ALKBH1: variants seen among roughly 807,000 people sequenced by gnomAD.
ALKBH1 encodes the protein alkB homolog 1, histone H2A dioxygenase, also known as nucleic acid dioxygenase ALKBH1.
A neutral mutation model predicts 36.6 loss-of-function variants in ALKBH1; 31 were observed. The observed-to-expected ratio is 0.85, with a 90% CI of 0.64 to 1.14. The LOEUF (loss-of-function observed/expected upper bound fraction) is 1.14, where lower values mean the gene tolerates loss of function less well. Among genes scored for constraint, ALKBH1 ranks in the 50% most tolerant of loss-of-function variants. The pLI is 0.00. For missense variants in ALKBH1, 490 were observed against 497.3 expected, an observed-to-expected ratio of 0.99 and a Z score of 0.14; for synonymous variants, 183 against 186.6, an observed-to-expected ratio of 0.98 and a Z score of 0.16.
chr14:77,704,279 T>C, intron 2 of ALKBH1, 90 bp downstream of exon 2: 2 of 926,920 alleles, frequency 2.2e-6, no homozygotes, highest in African/African-American at 1.6e-5. Context: ...CCTTTGTCTA[T>C]TTACTTGCTC....
At chr14:77,689,648 TAACTC>T (rs1454449892) in intron 3 of ALKBH1, among the ~76,000 whole-genome samples, 2 of 152,052 alleles carry the variant, frequency 1.3e-5, no homozygotes, top group Non-Finnish European at 2.9e-5. Context: ...CAGGGGTAGA[TAACTC>T]AATTCACTAG....
intron 3 of ALKBH1, among the ~76,000 whole-genome samples, chr14:77,684,475 C>A (rs894065788): frequency 1.3e-5 from 2 of 152,276 alleles, no homozygotes; most frequent in East Asian, 3.9e-4. Flanking sequence ...GATTCTCCTG[C>A]CTCAGCCTCC....
intron 3 of ALKBH1, among the ~76,000 whole-genome samples, chr14:77,691,053 G>A (rs1282166099): frequency 6.6e-6 from 1 of 151,894 alleles, no homozygotes; most frequent in Non-Finnish European, 1.5e-5. Flanking sequence ...TGTCCAACTC[G>A]GCCTCCCAAA....
chr14:77,679,956 G>A lies in ALKBH1; in HGVS notation c.470C>T (p.Thr157Ile), dbSNP rs372034103. The change falls in exon 4 of 6, where the codon ACT becomes ATT. Residue 157 changes from threonine (T) to isoleucine (I), a missense_variant. Physicochemically the swap from Thr to Ile is moderately conservative, Grantham distance 89. Transcript: ENST00000216489. Reference protein sequence around the residue: ...SKEFLRYKEATKRRPRSLLEK... With the variant: ...SKEFLRYKEAIKRRPRSLLEK... Reference sequence around the variant, plus strand: ...CAGTAAACTTCGGGGTCTCCGTTTAGTCGCTTCTTTATACCTGCAAAGATT... The same window carrying A: ...CAGTAAACTTCGGGGTCTCCGTTTAATCGCTTCTTTATACCTGCAAAGATT... 229 of 1,613,844 alleles carry A rather than the reference G, an allele frequency of 1.4e-4. No homozygotes were observed. The highest frequency in any genetic ancestry group is 1.9e-4 in the Non-Finnish European group (223 of 1,179,840).
chr14:77,676,466 C>G (rs2080206651), intron 4 of ALKBH1, among the ~76,000 whole-genome samples: 1 of 152,052 alleles, frequency 6.6e-6, no homozygotes, highest in Non-Finnish European at 1.5e-5. Flanking sequence ...GGTAAAAATG[C>G]AACTCAAAAC....
intron 4 of ALKBH1, among the ~76,000 whole-genome samples, chr14:77,676,287 C>T (rs1377346868): frequency 6.6e-6 from 1 of 152,026 alleles, no homozygotes; most frequent in Non-Finnish European, 1.5e-5. Context: ...CCGGTCTATC[C>T]ATCCATTCTT....
chr14:77,695,051 T>C, intron 2 of ALKBH1, 151 bp from the exon 3 acceptor site: 1 of 549,576 alleles, frequency 1.8e-6, no homozygotes, highest in Non-Finnish European at 2.9e-6. Context: ...TAGGTTTTGA[T>C]GAACATTAGA....
At position 77,673,670 on chromosome 14, in the gene ALKBH1, A is replaced by T. The variant is rs2080188194; in HGVS notation, c.*142T>A. ...CTGAGTTTACTTCTGCGTGGGTTCCAAGGCAACAGTGTGATCAACAATGAG... is the reference window on the plus strand; with the variant it reads ...CTGAGTTTACTTCTGCGTGGGTTCCTAGGCAACAGTGTGATCAACAATGAG... On this transcript the variant is annotated 3_prime_UTR_variant, in exon 6 of 6. Transcript: ENST00000216489. 1.1e-6 allele frequency: 1 copy of T among 875,174 alleles called. No homozygotes were observed. The highest frequency in any genetic ancestry group is 2.5e-5 in the East Asian group (1 of 40,072). 54.2% of individuals were successfully genotyped at this position (875,174 alleles called of 1,614,324 possible).
chr14:77,678,732 G>A (rs1307975559), intron 4 of ALKBH1, among the ~76,000 whole-genome samples: 1 of 152,092 alleles, frequency 6.6e-6, no homozygotes, highest in Non-Finnish European at 1.5e-5. Flanking sequence ...TAGGAAAGAA[G>A]AAATCGTAGC....
chr14:77,674,083 C>A lies in ALKBH1; in HGVS notation c.899G>T (p.Gly300Val), dbSNP rs2080191548. The A allele has an allele frequency of 3.1e-6, 5 of 1,614,128 alleles. No individual in the cohort carries two copies. The highest frequency in any genetic ancestry group is 2.2e-5 in the South Asian group (2 of 91,082). The change falls in exon 6 of 6, where the codon GGC becomes GTC. Residue 300 changes from glycine (G) to valine (V), a missense_variant. Physicochemically the swap from Gly to Val is moderately radical, Grantham distance 109. Coordinates refer to ENST00000216489, the MANE Select transcript of ALKBH1 (RefSeq NM_006020.3). Reference sequence around the variant, plus strand: ...AGGTGCCTCTAGGCAGTGAGGCAGGCCTTCCCCTTCTGGATTTGGAAGGAC... The same window carrying A: ...AGGTGCCTCTAGGCAGTGAGGCAGGACTTCCCCTTCTGGATTTGGAAGGAC... ...PRVLPNPEGE[G>V]LPHCLEAPLP... is the part of the protein sequence containing the mutation.
intron 3 of ALKBH1, among the ~76,000 whole-genome samples, chr14:77,686,267 G>C (rs1265415488): frequency 1.3e-5 from 2 of 152,122 alleles, no homozygotes; most frequent in African/African-American, 4.8e-5. Context: ...AATACTGAGA[G>C]AATCACTGAA....
intron 3 of ALKBH1, chr14:77,683,568 A>G (rs2080250666): frequency 1.9e-6 from 1 of 514,580 alleles, no homozygotes; most frequent in East Asian, 3.9e-5. Flanking sequence ...TAATGTCGAC[A>G]ACATCATCCT....
intron 3 of ALKBH1, among the ~76,000 whole-genome samples, 154 bp from the exon 4 acceptor site, chr14:77,680,124 C>T (rs1172144590): frequency 6.6e-6 from 1 of 152,204 alleles, no homozygotes; most frequent in Non-Finnish European, 1.5e-5. Flanking sequence ...GAGTAGACCA[C>T]AGATACATTA....
intron 2 of ALKBH1, 73 bp from the exon 3 acceptor site, chr14:77,694,973 C>A (rs2080319347): frequency 2.4e-6 from 3 of 1,251,346 alleles, no homozygotes; most frequent in Admixed American, 6.9e-5. Flanking sequence ...ATTTTGACAT[C>A]TTTATACTCA....
Position 77,672,820 on chromosome 14 carries a change from C to A in ALKBH1, c.*992G>T, listed in dbSNP as rs1344877925. 1.3e-5 allele frequency: 2 copies of A among 152,142 alleles called. No individual in the cohort carries two copies. The highest frequency in any genetic ancestry group is 2.9e-5 in the Non-Finnish European group (2 of 68,028). The allele number at this position is 152,142 out of a possible 1,614,324, so 9.4% of individuals were successfully genotyped here. The stretch of plus-strand genomic sequence containing the variant: ...AAAGATTAAAACTTGGTGTTGCCTA[C>A]ATTTTTCCAAGCTGCCTACCCTCAG... On this transcript the variant is annotated 3_prime_UTR_variant, in exon 6 of 6. Transcript: ENST00000216489.
intron 3 of ALKBH1, among the ~76,000 whole-genome samples, chr14:77,684,716 T>C (rs539498645): frequency 7.2e-5 from 11 of 152,260 alleles, no homozygotes; most frequent in African/African-American, 2.6e-4. Context: ...CCTGGCTAAT[T>C]TTTAATTTTT....
intron 3 of ALKBH1, chr14:77,683,360 T>C: frequency 1.3e-6 from 1 of 758,844 alleles, no homozygotes; most frequent in Non-Finnish European, 2.4e-6. Flanking sequence ...ACTACACGTT[T>C]CAGGAAGCTA....
chr14:77,677,287 G>A (rs535218349), intron 4 of ALKBH1, among the ~76,000 whole-genome samples: 7 of 152,114 alleles, frequency 4.6e-5, no homozygotes, highest in Non-Finnish European at 7.4e-5. Flanking sequence ...TGAACTGCCT[G>A]CCTCGGCCTC....
Position 77,707,993 on chromosome 14 carries a change from C to T in ALKBH1, c.12G>A (p.Met4Ile), listed in dbSNP as rs1595062664. Residue 4 changes from methionine to isoleucine, a missense_variant, in exon 1 of 6, where the codon ATG becomes ATA. Met to Ile is a conservative substitution (Grantham distance 10). Transcript: ENST00000216489. MGK[M>I]AAAVGSVATL... is the part of the protein sequence containing the mutation. ...TCGCCACAGAGCCCACGGCCGCTGC[C>T]ATCTTCCCCATCTCGCGGCCTATAC... The T allele has an allele frequency of 1.2e-6, 2 of 1,609,260 alleles. No individual in the cohort carries two copies. Among genetic ancestry groups the T allele is most frequent in the South Asian group, 1.1e-5 (1 of 90,792 alleles).
Sources: allele counts gnomAD v4.1 joint callset (sites outside exome capture counted in the v4.1 genomes callset), GRCh38; gene constraint gnomAD v4.1.1; transcripts MANE v1.5; gene names NCBI Gene and HGNC (gene_info 2026-07-23, HGNC 2026-07-21).